The following CFAP65 variants were observed in gnomAD, a reference collection of about 807,000 sequenced individuals.
CFAP65 encodes cilia and flagella associated protein 65.
A neutral mutation model predicts 208.0 loss-of-function variants in CFAP65; 155 were observed. That is an observed-to-expected ratio of 0.75 (90% CI 0.65 to 0.85). The LOEUF (loss-of-function observed/expected upper bound fraction) is 0.85, where lower values mean the gene tolerates loss of function less well. Ranked by LOEUF, CFAP65 falls within the 40% of genes least tolerant of loss-of-function variation. CFAP65 has a pLI of 0.00. For synonymous variants in CFAP65, 970 were observed against 986.3 expected (o/e 0.98, Z 0.31); for missense variants, 2,294 against 2,451.3 (o/e 0.94, Z 1.36).
At chr2:219,006,383 A>C in intron 30 of CFAP65, 82 bp downstream of exon 30, 2 of 1,555,348 alleles carry the variant, frequency 1.3e-6, no homozygotes, top group Non-Finnish European at 1.8e-6. Flanking sequence ...AGTCTGGTCC[A>C]GGGGTTGGAG....
chr2:219,029,892 T>C, intron 10 of CFAP65, 94 bp downstream of exon 10: 3 of 1,281,980 alleles, frequency 2.3e-6, no homozygotes, highest in Non-Finnish European at 3.3e-6. Flanking sequence ...TGAGGCAAGG[T>C]GGCCCCGCCT....
At position 219,024,025 on chromosome 2, in the gene CFAP65, T is replaced by C. The variant is rs373770290; in HGVS notation, c.2585A>G (p.Gln862Arg). The change falls in exon 15 of 35, where the codon CAG becomes CGG. Residue 862 changes from glutamine to arginine, a missense_variant. Coordinates refer to ENST00000341552, the MANE Select transcript of CFAP65 (RefSeq NM_194302.4). Reference protein sequence around the residue: ...TFYLQCNASPQYLKEVSMYSR... With the variant: ...TFYLQCNASPRYLKEVSMYSR... ...CCCTCTGCCTCCTACCTTGAGATAC[T>C]GGGGGGAAGCATTGCACTGCAGATA... The C allele has an allele frequency of 2.9e-5, 47 of 1,613,306 alleles. No individual in the cohort carries two copies. The highest frequency in any genetic ancestry group is 3.3e-4 in the Middle Eastern group (2 of 6,074).
At position 219,010,662 on chromosome 2, in the gene CFAP65, T is replaced by C. The variant is rs764762598; in HGVS notation, c.4192A>G (p.Ile1398Val). The C allele has an allele frequency of 3.2e-5, 52 of 1,610,608 alleles. No homozygotes were observed. The highest frequency in any genetic ancestry group is 1.2e-4 in the Admixed American group (7 of 59,318). Residue 1398 changes from isoleucine to valine, a missense_variant, in exon 26 of 35, where the codon ATC (isoleucine) becomes GTC (valine). By Grantham distance (29) the Ile-to-Val change is conservative (BLOSUM62 3). Around this residue, in one of 2 missense-constraint regions of CFAP65, gnomAD observed 1,427 missense variants for 1,438.7 expected, o/e 0.99. Transcript: ENST00000341552. ...TTGTAGCCCACTCCCTGGAAGTGGA[T>C]GAGGGCCGAGTTCCATCCCAGGATG... is the stretch of plus-strand genomic sequence containing the variant. ...IHILGWNSAL[I>V]HFQGVGYNPH...
Position 219,030,593 on chromosome 2 carries a change from A to C in CFAP65, c.1161+96T>G. Reference sequence around the variant, plus strand: ...TTACATGAGGCTTGGGGCCAAAGGCATGGAGAGAAAGGGGGGGCATTCTGC... The same window carrying C: ...TTACATGAGGCTTGGGGCCAAAGGCCTGGAGAGAAAGGGGGGGCATTCTGC... On this transcript the variant is annotated intron_variant, in intron 9 of 34. Transcript: ENST00000341552. 2.0e-6 allele frequency: 3 copies of C among 1,487,206 alleles called. No homozygotes were observed. The South Asian group carries it at 3.8e-5, about 19-fold the overall frequency. The allele number at this position is 1,487,206 out of a possible 1,614,324, so 92.1% of individuals were successfully genotyped here.
In CFAP65 at chr2:219,004,040, G is replaced by A; in HGVS notation, c.5467C>T (p.Gln1823Ter). Residue 1823 changes from glutamine to a stop codon, truncating the protein, a stop_gained, in exon 33 of 35, where the codon CAG becomes TAG. Transcript: ENST00000341552. LOFTEE classifies it high-confidence loss of function. This position sits in a 1 kb window ranked among gnomAD's most constrained non-coding sequence, Gnocchi z 4.7. ...TGCCACTGCCATTGCATGGACTCCT[G>A]GGACTCAGGCTGTGGTGTGGGCCCG... ...GIGPTPQPES[Q>*]ESMQWQWQQQ... 1.9e-6 allele frequency: 3 copies of A among 1,614,010 alleles called. No individual in the cohort carries two copies. The highest frequency in any genetic ancestry group is 2.5e-6 in the Non-Finnish European group (3 of 1,180,022).
chr2:219,037,422 A>G, intron 4 of CFAP65, among the ~76,000 whole-genome samples: 1 of 152,162 alleles, frequency 6.6e-6, no homozygotes, highest in Admixed American at 6.5e-5. Flanking sequence ...ACAAACAACA[A>G]CAACAAGGAA....
rs774167160 is a variant in CFAP65 at position 219,023,201 on chromosome 2, A to G, written c.2820+6T>C. On this transcript the variant is annotated splice_donor_region_variant and intron_variant, in intron 16 of 34. Coordinates refer to ENST00000341552, the MANE Select transcript of CFAP65 (RefSeq NM_194302.4). ...GCCGTCACTCGGCAGGAGGGGAGCC[A>G]CTCACAAGTCTCTCGTTGGGCTGGA... The G allele has an allele frequency of 3.1e-6, 5 of 1,609,602 alleles. No homozygotes were observed. Among genetic ancestry groups the G allele is most frequent in the Non-Finnish European group, 4.2e-6 (5 of 1,178,610 alleles).
At chr2:219,018,849 C>A (rs1042894966) in intron 21 of CFAP65, 2 of 666,816 alleles carry the variant, frequency 3.0e-6, no homozygotes, top group African/African-American at 3.6e-5. Context: ...GAGCCTATCA[C>A]CGTGTCTCAG....
intron 21 of CFAP65, chr2:219,015,295 A>G (rs1348127045): frequency 7.2e-6 from 1 of 138,838 alleles, no homozygotes; most frequent in Non-Finnish European, 1.6e-5. Context: ...ACACACACCT[A>G]AGGAGAACGC....
Position 219,024,166 on chromosome 2 carries a change from T to TG in CFAP65, c.2443dup (p.Gln815ProfsTer30), listed in dbSNP as rs1243956673. Reference sequence around the variant, plus strand: ...CCGAAGGATGACGTCTGAGCCTCTCTGGGGGGCCAGGCTGAAGGTCAGCAG... The same window carrying TG: ...CCGAAGGATGACGTCTGAGCCTCTCTGGGGGGGCCAGGCTGAAGGTCAGCAG... On this transcript the variant is annotated frameshift_variant, in exon 15 of 35. Coordinates refer to ENST00000341552, the MANE Select transcript of CFAP65 (RefSeq NM_194302.4). LOFTEE classifies it high-confidence loss of function. The TG allele has an allele frequency of 6.2e-7, 1 of 1,613,962 alleles. No homozygotes were observed. The highest frequency in any genetic ancestry group is 8.5e-7 in the Non-Finnish European group (1 of 1,180,026).
At chr2:219,041,355 C>G in intron 1 of CFAP65, 133 bp downstream of exon 1, 1 of 857,312 alleles carries the variant, frequency 1.2e-6, no homozygotes. Flanking sequence ...CCATGGGGCT[C>G]TCTGAAGGGC....
chr2:219,022,129 G>T (rs1307431574), intron 17 of CFAP65, 42 bp downstream of exon 17: 2 of 1,526,688 alleles, frequency 1.3e-6, no homozygotes, highest in African/African-American at 2.8e-5. Context: ...ACCTGTCCGG[G>T]CCTCTCCCCC....
intron 1 of CFAP65, among the ~76,000 whole-genome samples, chr2:219,040,902 G>A (rs983720399): frequency 4.6e-5 from 7 of 152,180 alleles, no homozygotes; most frequent in Admixed American, 2.6e-4. Context: ...TAAAATGTGG[G>A]TTATCCTGAC....
chr2:219,017,816 A>G (rs920059290), intron 21 of CFAP65, among the ~76,000 whole-genome samples: 3 of 152,126 alleles, frequency 2.0e-5, no homozygotes, highest in African/African-American at 7.2e-5. Context: ...CTCCGGGCCC[A>G]CTCAAAGAGC....
rs1218054165 is a variant in CFAP65, at chr2:219,004,967, T to C, written c.5051+467A>G. On this transcript the variant is annotated intron_variant, in intron 32 of 34. Transcript: ENST00000341552. The surrounding 1 kb of genome is among the most constrained non-coding windows in gnomAD (Gnocchi z 4.7). ...TCTTTCTTTCTTTCTTTCTCTCTCT[T>C]TCTTTCTTTCTCTCTTTCTGTCTTT... Among the ~76,000 whole-genome samples the C allele has an allele frequency of 7.3e-5, 11 of 149,948 alleles. No homozygotes were observed. The highest frequency in any genetic ancestry group is 2.8e-4 in the African/African-American group (11 of 39,970).
In CFAP65 at chr2:219,006,476, T is replaced by G; in HGVS notation, c.4708A>C (p.Arg1570=). 1 of 1,613,692 alleles carries G rather than the reference T, an allele frequency of 6.2e-7. No individual in the cohort carries two copies. Among genetic ancestry groups the G allele is most frequent in the Non-Finnish European group, 8.5e-7 (1 of 1,179,992 alleles). Residue 1570 remains arginine, a synonymous_variant, in exon 30 of 35, where the codon AGG becomes CGG. Transcript: ENST00000341552. ...RTCCTACEPA[R]KYKTLPPIKN... ...GCTCGCCGCCTCACCTTGTACTTCC[T>G]CGCAGGTTCACAGGCTGTGCAGCAT... is the stretch of plus-strand genomic sequence containing the variant.
intron 27 of CFAP65, 109 bp from the exon 28 acceptor site, chr2:219,009,569 G>A: frequency 1.4e-6 from 1 of 720,784 alleles, no homozygotes. Context: ...GATGAGACAA[G>A]ATGGGATGGG....
At chr2:219,029,340 C>T (rs891307736) in intron 11 of CFAP65, 63 bp downstream of exon 11, 4 of 1,559,242 alleles carry the variant, frequency 2.6e-6, no homozygotes, top group Non-Finnish European at 3.5e-6. Context: ...CAAGCCTTGT[C>T]ATCATCAGTG....
Position 219,007,371 on chromosome 2 carries a change from G to T in CFAP65, c.4675-862C>A, listed in dbSNP as rs1017424818. On this transcript the variant is annotated intron_variant, in intron 29 of 34. Coordinates refer to ENST00000341552, the MANE Select transcript of CFAP65 (RefSeq NM_194302.4). ...AAAATTTTATTTCTGTAGTGGCAGG[G>T]TCTCACTATGTTGTCCAAGGCTGGT... Among the ~76,000 whole-genome samples the T allele has an allele frequency of 2.8e-4, 42 of 152,020 alleles. 1 individual carries two copies. The highest frequency in any genetic ancestry group is 6.8e-3 in the Middle Eastern group (2 of 294).
Sources: gnomAD v4.1 joint callset for allele counts (sites outside exome capture counted in the v4.1 genomes callset) on GRCh38, gnomAD v4.1.1 for gene constraint, gnomAD v4.1.1 regional missense constraint, Gnocchi (gnomAD v3.1) non-coding constraint, MANE v1.5 for transcripts, NCBI Gene and HGNC (gene_info 2026-07-23, HGNC 2026-07-21) for gene names.